Variants in POLR3B observed in about 807,000 individuals in gnomAD.
POLR3B encodes RNA polymerase III subunit B, also known as DNA-directed RNA polymerase III subunit RPC2.
A neutral mutation model predicts 147.4 loss-of-function variants in POLR3B; 96 were observed. That is an observed-to-expected ratio of 0.65 (90% CI 0.55 to 0.77). The LOEUF (loss-of-function observed/expected upper bound fraction) is 0.77, where lower values mean the gene tolerates loss of function less well. POLR3B is among the 30% of genes least tolerant of loss of function. The pLI is 0.00. For missense variants in POLR3B, 1,036 were observed against 1,413.5 expected (o/e 0.73, Z 4.28); for synonymous variants, 461 against 485.9 (o/e 0.95, Z 0.67).
Position 106,496,164 on chromosome 12 carries a change from T to C in POLR3B, c.2817+6T>C. ...GCTTCCCATCACGAATGACGGTCAG[T>C]GACCTGTAGGTTTTTCAGAGGCATT... On this transcript the variant is annotated splice_donor_region_variant and intron_variant, in intron 24 of 27. Coordinates refer to ENST00000228347, the MANE Select transcript of POLR3B (RefSeq NM_018082.6). 1 of 1,549,118 alleles carries C rather than the reference T, an allele frequency of 6.5e-7. No individual in the cohort carries two copies. The highest frequency in any genetic ancestry group is 8.9e-7 in the Non-Finnish European group (1 of 1,120,680).
intron 10 of POLR3B, among the ~76,000 whole-genome samples, chr12:106,399,821 A>T (rs958897857): frequency 6.6e-6 from 1 of 152,212 alleles, no homozygotes; most frequent in Non-Finnish European, 1.5e-5. Context: ...AGAGCTCCTG[A>T]AGGAAGCACT....
rs1292423292 is a variant in POLR3B at position 106,504,922 on chromosome 12, G to A, written c.3272+668G>A. The stretch of plus-strand genomic sequence containing the variant: ...GACAGTGGATGGCTGCTCCCAAGGA[G>A]CTTATCTTCTAGTTCATTCTGATTG... On this transcript the variant is annotated intron_variant, in intron 27 of 27. Coordinates refer to ENST00000228347, the MANE Select transcript of POLR3B (RefSeq NM_018082.6). The surrounding 1 kb of genome is among the most constrained non-coding windows in gnomAD (Gnocchi z 4.6). Among the ~76,000 whole-genome samples the A allele has an allele frequency of 6.6e-6, 1 of 152,194 alleles. No homozygotes were observed. The highest frequency in any genetic ancestry group is 1.5e-5 in the Non-Finnish European group (1 of 68,032).
chr12:106,421,964 T>C (rs55748430), intron 12 of POLR3B, among the ~76,000 whole-genome samples: 1,596 of 152,304 alleles, frequency 0.01, 26 homozygotes, highest in African/African-American at 0.036. Context: ...CCTCCCAAAG[T>C]GCTAGGATTA....
intron 9 of POLR3B, among the ~76,000 whole-genome samples, chr12:106,382,729 T>C (rs1565879093): frequency 1.3e-5 from 2 of 152,228 alleles, no homozygotes; most frequent in South Asian, 4.1e-4. Context: ...ATCCAGACTT[T>C]GTTGTTTCAT....
intron 2 of POLR3B, among the ~76,000 whole-genome samples, chr12:106,366,049 A>C (rs2036531870): frequency 6.6e-6 from 1 of 152,100 alleles, no homozygotes; most frequent in African/African-American, 2.4e-5. Context: ...ATACTTGCTG[A>C]AGGACCTGCC....
At chr12:106,408,676 G>A (rs2037181303) in intron 11 of POLR3B, among the ~76,000 whole-genome samples, 1 of 152,190 alleles carries the variant, frequency 6.6e-6, no homozygotes, top group African/African-American at 2.4e-5. Context: ...GGGTTCGTTT[G>A]TTAGTCCTTT....
chr12:106,442,678 G>C (rs2137015001), intron 18 of POLR3B, among the ~76,000 whole-genome samples: 1 of 150,630 alleles, frequency 6.6e-6, no homozygotes, highest in South Asian at 2.1e-4. Context: ...CTTTTACCAG[G>C]TACATTCCAT....
At chr12:106,370,441 G>T (rs2136888352) in intron 6 of POLR3B, among the ~76,000 whole-genome samples, 1 of 152,214 alleles carries the variant, frequency 6.6e-6, no homozygotes, top group South Asian at 2.1e-4. Flanking sequence ...GCACCATTTG[G>T]TAAGGGGTCT....
chr12:106,482,790 A>G (rs1030969910), intron 23 of POLR3B, among the ~76,000 whole-genome samples: 17 of 152,206 alleles, frequency 1.1e-4, no homozygotes, highest in African/African-American at 3.9e-4. Flanking sequence ...ATAATATGGT[A>G]TCCACTTATG....
chr12:106,358,257 G>T, intron 1 of POLR3B: 3 of 1,335,334 alleles, frequency 2.2e-6, no homozygotes, highest in Non-Finnish European at 2.9e-6. Context: ...CGCACTTACT[G>T]TGGGGGACGT....
intron 23 of POLR3B, among the ~76,000 whole-genome samples, chr12:106,477,067 T>A (rs2137052352): frequency 6.8e-6 from 1 of 146,928 alleles, no homozygotes; most frequent in Admixed American, 6.7e-5. Context: ...CCTTTCTGTT[T>A]GTTAGTTTTC....
At chr12:106,358,003 G>T in intron 1 of POLR3B, 52 bp downstream of exon 1, 1 of 1,599,100 alleles carries the variant, frequency 6.3e-7, no homozygotes, top group Non-Finnish European at 8.5e-7. Context: ...GCCCTGAGGG[G>T]GCGTTGCCCG....
chr12:106,467,115 CCT>C (rs1453744412), intron 23 of POLR3B, among the ~76,000 whole-genome samples: 1 of 151,892 alleles, frequency 6.6e-6, no homozygotes, highest in Non-Finnish European at 1.5e-5. Context: ...GTTTGTGTCC[CCT>C]CTTATTTCCT....
intron 23 of POLR3B, among the ~76,000 whole-genome samples, chr12:106,478,777 G>A (rs2038218897): frequency 6.6e-6 from 1 of 151,912 alleles, no homozygotes; most frequent in African/African-American, 2.4e-5. Context: ...AGGTCAAACA[G>A]AACAAGAAAG....
In POLR3B at chr12:106,496,784, G is replaced by T. The variant is rs1236120605; in HGVS notation, c.2850G>T (p.Lys950Asn). Residue 950 changes from lysine to asparagine, a missense_variant, in exon 25 of 28, where the codon AAG becomes AAT. Lys to Asn is a moderately conservative substitution (Grantham distance 94, BLOSUM62 0). Around this residue, in one of 12 missense-constraint regions of POLR3B, gnomAD observed 88 missense variants for 87.5 expected, o/e 1.01. Transcript: ENST00000228347. ...VGKLIELLAG[K>N]AGVLDGRFHY... ...AGCTCATTGAGCTGCTGGCTGGCAAGGCCGGTGTGCTGGACGGCAGATTCC... is the reference window on the plus strand; with the variant it reads ...AGCTCATTGAGCTGCTGGCTGGCAATGCCGGTGTGCTGGACGGCAGATTCC... The T allele has an allele frequency of 6.2e-7, 1 of 1,614,174 alleles. No individual in the cohort carries two copies. The highest frequency in any genetic ancestry group is 1.1e-5 in the South Asian group (1 of 91,080).
At chr12:106,396,594 T>C (rs1030039255) in intron 10 of POLR3B, among the ~76,000 whole-genome samples, 2 of 152,206 alleles carry the variant, frequency 1.3e-5, no homozygotes, top group Non-Finnish European at 2.9e-5. Flanking sequence ...AATTAAAATA[T>C]GCAATCCTGA....
In POLR3B at chr12:106,405,961, T is replaced by C. The variant is rs911209527; in HGVS notation, c.951T>C (p.Ile317=). 3 of 1,613,752 alleles carry C rather than the reference T, an allele frequency of 1.9e-6. No individual in the cohort carries two copies. The highest frequency in any genetic ancestry group is 1.3e-5 in the African/African-American group (1 of 74,918). The change falls in exon 11 of 28, where the codon ATT becomes ATC. Residue 317 remains isoleucine (I), a synonymous_variant. Transcript: ENST00000228347. ...EEARELLAST[I]LTHVPVKEFN... is the part of the protein sequence containing the mutation. Reference sequence around the variant, plus strand: ...CAAGAGAGCTCCTGGCTTCCACCATTCTGACCCATGTCCCAGTGAGTAACA... The same window carrying C: ...CAAGAGAGCTCCTGGCTTCCACCATCCTGACCCATGTCCCAGTGAGTAACA...
intron 12 of POLR3B, among the ~76,000 whole-genome samples, chr12:106,422,361 C>A (rs1039695467): frequency 6.6e-6 from 1 of 152,166 alleles, no homozygotes; most frequent in Non-Finnish European, 1.5e-5. Flanking sequence ...TTCCTGAGGC[C>A]TCCCCAGAAA....
chr12:106,473,924 G>A (rs1265183547), intron 23 of POLR3B, among the ~76,000 whole-genome samples: 2 of 151,298 alleles, frequency 1.3e-5, no homozygotes, highest in Non-Finnish European at 3.0e-5. Flanking sequence ...GGTGAGAGAG[G>A]GCATCCCTGT....
Sources: allele counts gnomAD v4.1 joint callset (sites outside exome capture counted in the v4.1 genomes callset), GRCh38; gene constraint gnomAD v4.1.1; regional missense constraint gnomAD v4.1.1; non-coding constraint Gnocchi (gnomAD v3.1); transcripts MANE v1.5; gene names NCBI Gene and HGNC (gene_info 2026-07-23, HGNC 2026-07-21).